The following IHO1 variants were observed in gnomAD, a reference collection of about 807,000 sequenced individuals.
The protein encoded by IHO1 is interactor of HORMAD1 1.
Under a neutral mutation model 31.0 loss-of-function variants are expected in IHO1, and 13 were observed. That is an observed-to-expected ratio of 0.42 (90% CI 0.27 to 0.67). The LOEUF (loss-of-function observed/expected upper bound fraction) is 0.67, where lower values mean the gene tolerates loss of function less well. Among genes scored for constraint, IHO1 ranks in the 30% least tolerant of loss-of-function variants. The pLI is 0.24. For synonymous variants in IHO1, 221 were observed against 248.4 expected, an observed-to-expected ratio of 0.89 and a Z score of 1.04; for missense variants, 599 against 687.5, an observed-to-expected ratio of 0.87 and a Z score of 1.44.
intron 2 of IHO1, among the ~76,000 whole-genome samples, chr3:49,220,270 T>C (rs937535532): frequency 2.0e-5 from 3 of 152,228 alleles, no homozygotes; most frequent in Non-Finnish European, 2.9e-5. Context: ...AACTGGGGCA[T>C]TTCCGGCTCA....
Position 49,200,475 on chromosome 3 carries a change from AAAAG to A in IHO1, c.-16+942_-16+945del, listed in dbSNP as rs1553615438. ...GTGAGACTCGGTCTCAAAAAAAAAA[AAAAG>A]AAAGAAAGAAAGAAAGAAAGAAAGA... On this transcript the variant is annotated intron_variant, in intron 1 of 7. Transcript: ENST00000452691. 728 of 107,056 alleles carry A rather than the reference AAAAG, an allele frequency of 6.8e-3. 19 individuals are homozygous for A. The highest frequency in any genetic ancestry group is 0.01 in the Admixed American group (40 of 3,964). 6.6% of individuals were successfully genotyped at this position (107,056 alleles called of 1,614,324 possible).
chr3:49,210,437 G>A (rs1056639251), intron 1 of IHO1, among the ~76,000 whole-genome samples: 8 of 150,436 alleles, frequency 5.3e-5, no homozygotes, highest in Non-Finnish European at 1.0e-4. Flanking sequence ...TCACTCGATC[G>A]CCCAGGCTGG....
chr3:49,212,879 G>A (rs941043548), intron 2 of IHO1, among the ~76,000 whole-genome samples: 1 of 152,190 alleles, frequency 6.6e-6, no homozygotes, highest in African/African-American at 2.4e-5. Context: ...ATCGGAGCTG[G>A]TTGCCACTGC....
intron 2 of IHO1, among the ~76,000 whole-genome samples, chr3:49,227,674 C>G (rs1305539493): frequency 6.6e-6 from 1 of 152,140 alleles, no homozygotes; most frequent in Non-Finnish European, 1.5e-5. Flanking sequence ...GAGTCCTAAG[C>G]ATTCTCCTGT....
intron 6 of IHO1, among the ~76,000 whole-genome samples, chr3:49,250,826 A>G (rs1323958395): frequency 5.3e-5 from 8 of 152,020 alleles, no homozygotes; most frequent in South Asian, 4.1e-4. Flanking sequence ...GATCAGAAGT[A>G]GGAGACCAGC....
At chr3:49,208,866 C>T (rs376457272) in intron 1 of IHO1, among the ~76,000 whole-genome samples, 29 of 152,266 alleles carry the variant, frequency 1.9e-4, no homozygotes, top group Middle Eastern at 3.4e-3. Flanking sequence ...GAGCAAGGAA[C>T]AGTGTACTTT....
chr3:49,232,838 A>T (rs2046499826), intron 2 of IHO1, among the ~76,000 whole-genome samples: 1 of 152,196 alleles, frequency 6.6e-6, no homozygotes, highest in Non-Finnish European at 1.5e-5. Context: ...TGACACAGAG[A>T]ACAATTATAT....
rs751048067 is a variant in IHO1 at position 49,211,807 on chromosome 3, A to C, written c.27A>C (p.Lys9Asn). 2.6e-6 allele frequency: 4 copies of C among 1,560,342 alleles called. No individual in the cohort carries two copies. Among genetic ancestry groups the C allele is most frequent in the Non-Finnish European group, 3.5e-6 (4 of 1,131,354 alleles). MNFNVWNIKEMLSIPSGSG... is the reference protein window; with the variant it reads MNFNVWNINEMLSIPSGSG... ...TGAATTTTAATGTCTGGAATATCAA[A>C]GAGATGCTCAGTATTCCTTCAGGCT... The change falls in exon 2 of 8, where the codon AAA becomes AAC. Residue 9 changes from lysine to asparagine, a missense_variant. Lys to Asn is a moderately conservative substitution (Grantham distance 94). Coordinates refer to ENST00000452691, the MANE Select transcript of IHO1 (RefSeq NM_001135197.2).
At position 49,241,268 on chromosome 3, in the gene IHO1, C is replaced by G. The variant is rs751977232; in HGVS notation, c.274C>G (p.Leu92Val). The G allele has an allele frequency of 2.5e-6, 4 of 1,612,992 alleles. No individual in the cohort carries two copies. In the South Asian group the frequency reaches 4.4e-5, roughly 18 times the overall value. ...CACAAAGTACCAGACAAAGCCCCAG[C>G]TGTTCGGAGGAGATATAAAAGATGG... The part of the protein sequence containing the change: ...IFTKYQTKPQ[L>V]FGGDIKDGGL... The change falls in exon 4 of 8, where the codon CTG (leucine) becomes GTG (valine). Residue 92 changes from leucine (L) to valine (V), a missense_variant. Physicochemically the swap from Leu to Val is conservative, Grantham distance 32 (BLOSUM62 1). Transcript: ENST00000452691.
intron 1 of IHO1, among the ~76,000 whole-genome samples, chr3:49,202,495 TTGTGTGTGTGTGTGTGTGTGTGTGTGTG>T (rs113425200): frequency 1.3e-3 from 168 of 130,000 alleles, no homozygotes; most frequent in Middle Eastern, 0.012. Context: ...CCGGCTAATT[TTGTGTGTGTGTGTGTGTGTGTGTGTGTG>T]TGTGTGTGTG....
intron 3 of IHO1, among the ~76,000 whole-genome samples, chr3:49,237,330 G>C (rs947462112): frequency 6.6e-6 from 1 of 152,096 alleles, no homozygotes; most frequent in African/African-American, 2.4e-5. Context: ...CTGGGAGATA[G>C]AGCATGACTC....
At chr3:49,205,165 T>C (rs1280345410) in intron 1 of IHO1, among the ~76,000 whole-genome samples, 1 of 152,062 alleles carries the variant, frequency 6.6e-6, no homozygotes, top group Non-Finnish European at 1.5e-5. Context: ...GGGAAAGGGG[T>C]GGAGATTTCC....
At position 49,244,733 on chromosome 3, in the gene IHO1, T is replaced by C. The variant is rs955570829; in HGVS notation, c.532T>C (p.Leu178=). Residue 178 remains leucine (L), a splice_region_variant and synonymous_variant, in exon 6 of 8, where the codon TTA becomes CTA. Coordinates refer to ENST00000452691, the MANE Select transcript of IHO1 (RefSeq NM_001135197.2). ...LDSLETVAKT[L]QETIQAQNDL... is the part of the protein sequence containing the mutation. ...TTCTTTGGAGACTGTGGCCAAGACA[T>C]GTGAGTGCCTCATGTTTGAGGTATC... 3.1e-6 allele frequency: 5 copies of C among 1,613,014 alleles called. No homozygotes were observed. In the South Asian group the frequency reaches 4.4e-5, roughly 14 times the overall value.
At chr3:49,196,224 G>A (rs1389354106), upstream of IHO1, among the ~76,000 whole-genome samples, 2 of 122,084 alleles carry the variant, frequency 1.6e-5, no homozygotes, top group South Asian at 2.8e-4. Flanking sequence ...GTAAGACTCC[G>A]TCACAAAAAA....
chr3:49,197,414 G>T (rs2046005745), upstream of IHO1, among the ~76,000 whole-genome samples: 1 of 152,090 alleles, frequency 6.6e-6, no homozygotes. Flanking sequence ...TCCCACCTTG[G>T]CCTCCCAAAG....
chr3:49,253,677 C>T (rs1274148906), intron 6 of IHO1, among the ~76,000 whole-genome samples: 2 of 152,022 alleles, frequency 1.3e-5, no homozygotes, highest in Non-Finnish European at 2.9e-5. Context: ...AAATCTTACC[C>T]CTGAGAGTGA....
intron 2 of IHO1, among the ~76,000 whole-genome samples, chr3:49,229,282 G>A (rs1303127010): frequency 2.6e-5 from 4 of 152,222 alleles, no homozygotes; most frequent in Middle Eastern, 3.2e-3. Context: ...AAAGCTGTGA[G>A]CCTTCTGCCT....
intron 2 of IHO1, among the ~76,000 whole-genome samples, chr3:49,228,951 G>C (rs1031317201): frequency 2.0e-5 from 3 of 152,158 alleles, no homozygotes; most frequent in Non-Finnish European, 2.9e-5. Context: ...AGAGATGACT[G>C]GTCCATTTTA....
chr3:49,247,470 G>A (rs2046708780), intron 6 of IHO1, among the ~76,000 whole-genome samples: 1 of 150,910 alleles, frequency 6.6e-6, no homozygotes, highest in Admixed American at 6.6e-5. Flanking sequence ...GACCTCAGGT[G>A]ATCAGCCTGT....
Sources: allele counts gnomAD v4.1 joint callset (sites outside exome capture counted in the v4.1 genomes callset), GRCh38; gene constraint gnomAD v4.1.1; transcripts MANE v1.5; gene names NCBI Gene and HGNC (gene_info 2026-07-23, HGNC 2026-07-21).